The following RORA variants were observed in gnomAD, a reference collection of about 807,000 sequenced individuals.
RORA encodes the protein nuclear receptor ROR-alpha.
In RORA, 7 loss-of-function variants were observed where a neutral mutation model predicts 69.5. That is an observed-to-expected ratio of 0.10 (90% CI 0.06 to 0.19). RORA has a LOEUF of 0.19. Among genes scored for constraint, RORA ranks in the 10% least tolerant of loss-of-function variants. RORA has a pLI of 1.00. For synonymous variants in RORA, 261 were observed against 240.8 expected, an observed-to-expected ratio of 1.08 and a Z score of -0.78; for missense variants, 457 against 663.0, an observed-to-expected ratio of 0.69 and a Z score of 3.41.
At chr15:61,209,856 C>T (rs1567038723) in intron 1 of RORA, among the ~76,000 whole-genome samples, 1 of 152,194 alleles carries the variant, frequency 6.6e-6, no homozygotes, top group Non-Finnish European at 1.5e-5. Flanking sequence ...CTGCATTTTG[C>T]AAGGGGCTAT....
chr15:61,085,329 C>T (rs1304439165), intron 1 of RORA, among the ~76,000 whole-genome samples: 3 of 152,148 alleles, frequency 2.0e-5, no homozygotes, highest in African/African-American at 7.2e-5. Context: ...CAGCACCTAC[C>T]CTGAGCTAGC....
intron 2 of RORA, among the ~76,000 whole-genome samples, chr15:60,590,200 T>TCTCTCTC (rs1555434789): frequency 2.0e-5 from 3 of 151,642 alleles, no homozygotes; most frequent in Non-Finnish European, 2.9e-5. Flanking sequence ...TCTCTCTCTC[T>TCTCTCTC]TTCAGGCAGC....
intron 1 of RORA, among the ~76,000 whole-genome samples, chr15:61,124,746 C>A (rs1268129005): frequency 1.3e-5 from 2 of 152,154 alleles, no homozygotes; most frequent in African/African-American, 4.8e-5. Context: ...TACTAAGGAG[C>A]CTTGTAACTC....
intron 2 of RORA, among the ~76,000 whole-genome samples, chr15:60,580,189 T>G (rs1003953203): frequency 1.3e-5 from 2 of 152,222 alleles, no homozygotes; most frequent in Non-Finnish European, 2.9e-5. Context: ...TTTGGCATTT[T>G]GGAGTACACA....
chr15:61,114,578 C>T (rs2079034019), intron 1 of RORA, among the ~76,000 whole-genome samples: 1 of 152,114 alleles, frequency 6.6e-6, no homozygotes, highest in Non-Finnish European at 1.5e-5. Context: ...ACTTACTGTC[C>T]CTTTTCTGCA....
intron 1 of RORA, among the ~76,000 whole-genome samples, chr15:60,750,629 A>T (rs1482824724): frequency 6.6e-6 from 1 of 152,224 alleles, no homozygotes; most frequent in Non-Finnish European, 1.5e-5. Flanking sequence ...GAGAGAGGAC[A>T]TCAAACTGAG....
intron 1 of RORA, among the ~76,000 whole-genome samples, chr15:60,704,851 C>T (rs1428206236): frequency 6.6e-6 from 1 of 152,140 alleles, no homozygotes; most frequent in East Asian, 1.9e-4. Context: ...ACCCCTGACT[C>T]ATATTGCTCT....
chr15:60,920,370 G>T (rs1011115617), intron 1 of RORA, among the ~76,000 whole-genome samples: 2 of 152,152 alleles, frequency 1.3e-5, no homozygotes, highest in African/African-American at 4.8e-5. Flanking sequence ...CAACGTCAAA[G>T]AATAAGTAGA....
chr15:60,882,361 C>A (rs1329137224), intron 1 of RORA, among the ~76,000 whole-genome samples: 1 of 152,162 alleles, frequency 6.6e-6, no homozygotes, highest in African/African-American at 2.4e-5. Flanking sequence ...TTGCTAAAAA[C>A]ATCCTACAAC....
intron 1 of RORA, among the ~76,000 whole-genome samples, chr15:60,702,228 G>A (rs1241377794): frequency 6.6e-6 from 1 of 151,954 alleles, no homozygotes; most frequent in Non-Finnish European, 1.5e-5. Flanking sequence ...CGGCTTCAAT[G>A]ATCTTTTCTT....
At chr15:60,856,587 T>C (rs544430754) in intron 1 of RORA, among the ~76,000 whole-genome samples, 7 of 152,270 alleles carry the variant, frequency 4.6e-5, no homozygotes, top group African/African-American at 1.7e-4. Flanking sequence ...TTAATACTTT[T>C]ACAACTTGAA....
chr15:61,065,402 A>G (rs1843850868), intron 1 of RORA, among the ~76,000 whole-genome samples: 1 of 152,174 alleles, frequency 6.6e-6, no homozygotes, highest in South Asian at 2.1e-4. Context: ...GTCAGTCCTT[A>G]CTATAAATGC....
At chr15:60,601,988 T>C (rs1184303246) in intron 2 of RORA, among the ~76,000 whole-genome samples, 3 of 152,152 alleles carry the variant, frequency 2.0e-5, no homozygotes, top group Non-Finnish European at 2.9e-5. Flanking sequence ...GAGAAACTAC[T>C]GATATGCATT....
intron 1 of RORA, among the ~76,000 whole-genome samples, chr15:60,754,868 T>G (rs2071774399): frequency 6.6e-6 from 1 of 152,160 alleles, no homozygotes; most frequent in African/African-American, 2.4e-5. Flanking sequence ...TTCGACTCCT[T>G]TCTCTTTCCT....
chr15:60,762,653 A>G (rs2071912482), intron 1 of RORA, among the ~76,000 whole-genome samples: 1 of 152,222 alleles, frequency 6.6e-6, no homozygotes, highest in Admixed American at 6.5e-5. Flanking sequence ...GAGCCTACAC[A>G]TGATCTAAAG....
In RORA at chr15:60,829,283, C is replaced by T. The variant is rs968410092; in HGVS notation, c.167-150597G>A. ...TGGAATTCAGCAGGTCACTGCTGCC[C>T]GGAGCACCGGCCTGTTCAACTCTAC... On this transcript the variant is annotated intron_variant, in intron 1 of 10. Coordinates refer to ENST00000335670, the MANE Select transcript of RORA (RefSeq NM_134261.3). Among the ~76,000 whole-genome samples the T allele has an allele frequency of 2.6e-5, 4 of 152,146 alleles. No homozygotes were observed. In the South Asian group the frequency reaches 8.3e-4, roughly 32 times the overall value.
intron 1 of RORA, among the ~76,000 whole-genome samples, chr15:60,982,410 T>A (rs1345309088): frequency 6.6e-6 from 1 of 152,232 alleles, no homozygotes; most frequent in Admixed American, 6.5e-5. Context: ...CCAAGTTTTT[T>A]GGCTAGTCTA....
At chr15:60,600,171 A>T (rs891173819) in intron 2 of RORA, among the ~76,000 whole-genome samples, 1 of 152,218 alleles carries the variant, frequency 6.6e-6, no homozygotes, top group Non-Finnish European at 1.5e-5. Flanking sequence ...TAATGGAGAA[A>T]AGATAAGCGG....
chr15:60,589,320 G>C (rs1342825262), intron 2 of RORA, among the ~76,000 whole-genome samples: 1 of 152,226 alleles, frequency 6.6e-6, no homozygotes, highest in Non-Finnish European at 1.5e-5. Context: ...ATTTGCACAT[G>C]AATCAGGCCG....
Sources: gnomAD v4.1 joint callset for allele counts (sites outside exome capture counted in the v4.1 genomes callset) on GRCh38, gnomAD v4.1.1 for gene constraint, MANE v1.5 for transcripts, NCBI Gene and HGNC (gene_info 2026-07-23, HGNC 2026-07-21) for gene names.